The following SHPRH variants were observed in gnomAD, a reference collection of about 807,000 sequenced individuals.
SHPRH encodes SNF2 histone linker PHD RING helicase, also known as E3 ubiquitin-protein ligase SHPRH.
SHPRH carries 106 observed loss-of-function variants against 202.5 expected under a neutral mutation model. The ratio of observed to expected loss-of-function variants is 0.52; its 90% CI spans 0.45 to 0.62. The LOEUF is 0.62. Among genes scored for constraint, SHPRH ranks in the 20% least tolerant of loss-of-function variants. The pLI is 0.00. For missense variants in SHPRH, 1,710 were observed against 2,020.0 expected, an observed-to-expected ratio of 0.85 and a Z score of 2.94; for synonymous variants, 729 against 686.0, an observed-to-expected ratio of 1.06 and a Z score of -0.98.
chr6:145,925,289 C>T (rs1474963044), intron 16 of SHPRH, among the ~76,000 whole-genome samples: 2 of 149,956 alleles, frequency 1.3e-5, no homozygotes, highest in Non-Finnish European at 3.0e-5. Flanking sequence ...ATTTTGTTTC[C>T]CCAAAATTCA....
At chr6:145,883,019 T>C (rs1201386781), downstream of SHPRH, among the ~76,000 whole-genome samples, 1 of 152,028 alleles carries the variant, frequency 6.6e-6, no homozygotes, top group African/African-American at 2.4e-5. Flanking sequence ...TACGGGGGTG[T>C]GGAGCATTAA....
At chr6:145,859,254 T>C (rs1410805312), downstream of SHPRH, among the ~76,000 whole-genome samples, 1 of 152,046 alleles carries the variant, frequency 6.6e-6, no homozygotes. Context: ...TAACCTGTGA[T>C]ATTAATTGTA....
chr6:145,959,213 G>A (rs1788825554), intron 1 of SHPRH, among the ~76,000 whole-genome samples: 1 of 152,150 alleles, frequency 6.6e-6, no homozygotes, highest in Non-Finnish European at 1.5e-5. Context: ...GTACAGTAAT[G>A]TCCCAGGCCT....
rs1051743671 is a variant in SHPRH at position 145,920,379 on chromosome 6, G to A, written c.4008+788C>T. 1.3e-4 allele frequency among the ~76,000 whole-genome samples: 20 copies of A among 152,098 alleles called. No homozygotes were observed. In the East Asian group the frequency reaches 2.9e-3, roughly 22 times the overall value. On this transcript the variant is annotated intron_variant, in intron 21 of 29. Coordinates refer to ENST00000275233, the MANE Select transcript of SHPRH (RefSeq NM_001042683.3). ...GCTTACTGTAATTAACTGTGTTAACGTGCTTTGTATTCACATGAGTAATGT... is the reference window on the plus strand; with the variant it reads ...GCTTACTGTAATTAACTGTGTTAACATGCTTTGTATTCACATGAGTAATGT...
chr6:145,908,336 C>A (rs958427409), intron 25 of SHPRH: 2 of 152,132 alleles, frequency 1.3e-5, no homozygotes, highest in South Asian at 4.1e-4. Context: ...TGAGGAATCG[C>A]CATACTGTCT....
At chr6:145,933,329 A>G in intron 13 of SHPRH, 151 bp from the exon 14 acceptor site, 1 of 1,104,272 alleles carries the variant, frequency 9.1e-7, no homozygotes, top group South Asian at 1.8e-5. Flanking sequence ...TTTTACCATT[A>G]TTTTTTCCCA....
At chr6:145,954,033 G>C (rs763370228) in intron 2 of SHPRH, among the ~76,000 whole-genome samples, 4 of 151,736 alleles carry the variant, frequency 2.6e-5, no homozygotes, top group Non-Finnish European at 4.4e-5. Flanking sequence ...CTGAGGAGAG[G>C]GCACATAATA....
intron 23 of SHPRH, among the ~76,000 whole-genome samples, chr6:145,916,728 G>A (rs1164528097): frequency 6.6e-6 from 1 of 151,852 alleles, no homozygotes; most frequent in Admixed American, 6.6e-5. Flanking sequence ...CATATTTAAA[G>A]TATAGAAATC....
At chr6:145,923,579 A>G in intron 18 of SHPRH, 64 bp downstream of exon 18, 1 of 1,568,996 alleles carries the variant, frequency 6.4e-7, no homozygotes, top group South Asian at 1.2e-5. Context: ...TAGAAACTAG[A>G]AAATACAAGG....
At chr6:145,927,450 G>T in intron 14 of SHPRH, 173 bp from the exon 15 acceptor site, 1 of 505,800 alleles carries the variant, frequency 2.0e-6, no homozygotes, top group Non-Finnish European at 3.5e-6. Context: ...TTTAAAAAAG[G>T]CTGAGTACAG....
At chr6:145,950,110 A>G (rs1469800780) in intron 4 of SHPRH, among the ~76,000 whole-genome samples, 154 bp downstream of exon 4, 2 of 152,118 alleles carry the variant, frequency 1.3e-5, no homozygotes, top group African/African-American at 4.8e-5. Flanking sequence ...CTAGATTTCA[A>G]TTTTAAAGAA....
intron 2 of SHPRH, 89 bp from the exon 3 acceptor site, chr6:145,952,567 A>G: frequency 8.0e-7 from 1 of 1,255,218 alleles, no homozygotes; most frequent in Non-Finnish European, 1.1e-6. Context: ...TAGCATCACT[A>G]CTTTTAAAGG....
Position 145,886,430 on chromosome 6 carries a change from A to G in SHPRH, c.*261T>C, listed in dbSNP as rs1197511036. ...CCTCTCTTAATTCCCTTGCATCATCAGATATAGATACTATTTGGGACAAAA... is the reference window on the plus strand; with the variant it reads ...CCTCTCTTAATTCCCTTGCATCATCGGATATAGATACTATTTGGGACAAAA... On this transcript the variant is annotated 3_prime_UTR_variant, in exon 30 of 30. Transcript: ENST00000275233. 2.6e-6 allele frequency: 2 copies of G among 776,332 alleles called. No individual in the cohort carries two copies. The highest frequency in any genetic ancestry group is 4.7e-6 in the Non-Finnish European group (2 of 425,166). The allele number at this position is 776,332 out of a possible 1,614,324, so 48.1% of individuals were successfully genotyped here.
chr6:145,892,537 TAGTA>T (rs1159203185), intron 28 of SHPRH, among the ~76,000 whole-genome samples: 1 of 152,146 alleles, frequency 6.6e-6, no homozygotes, highest in African/African-American at 2.4e-5. Context: ...AATACTGATT[TAGTA>T]AGTGCTTATT....
chr6:145,955,347 T>A lies in SHPRH; in HGVS notation c.-25A>T. 6.3e-7 allele frequency: 1 copy of A among 1,579,450 alleles called. No homozygotes were observed. On this transcript the variant is annotated 5_prime_UTR_variant, in exon 2 of 30. Transcript: ENST00000275233. ...TTTTCAAGTTTTCTTGGCTGGTAAC[T>A]GTGAACTCTAGAGGACAAATGAAAC... is the stretch of plus-strand genomic sequence containing the variant.
chr6:145,925,983 A>C (rs1356978135), intron 16 of SHPRH, among the ~76,000 whole-genome samples: 1 of 151,982 alleles, frequency 6.6e-6, no homozygotes, highest in African/African-American at 2.4e-5. Flanking sequence ...TACAACAAGC[A>C]TTTATCACAT....
At chr6:145,875,747 G>A (rs959267412) in intron 2 of SHPRH, among the ~76,000 whole-genome samples, 4 of 152,144 alleles carry the variant, frequency 2.6e-5, no homozygotes, top group Non-Finnish European at 5.9e-5. Flanking sequence ...GGTCATTCCA[G>A]CTCCACAGAA....
At chr6:145,929,973 TAAGTA>T (rs1006631482) in intron 14 of SHPRH, among the ~76,000 whole-genome samples, 2 of 152,096 alleles carry the variant, frequency 1.3e-5, no homozygotes, top group African/African-American at 4.8e-5. Flanking sequence ...ATAGTTGAGG[TAAGTA>T]AAGCACCTGT....
At chr6:145,899,372 C>A (rs1171930614) in intron 25 of SHPRH, among the ~76,000 whole-genome samples, 2 of 151,854 alleles carry the variant, frequency 1.3e-5, no homozygotes, top group East Asian at 1.9e-4. Context: ...AGGAGAGAGC[C>A]CAGAAATAAA....
Sources: gnomAD v4.1 joint callset for allele counts (sites outside exome capture counted in the v4.1 genomes callset) on GRCh38, gnomAD v4.1.1 for gene constraint, MANE v1.5 for transcripts, NCBI Gene and HGNC (gene_info 2026-07-23, HGNC 2026-07-21) for gene names.